The following WIPF1 variants were observed in gnomAD, a reference collection of about 807,000 sequenced individuals.
WIPF1 encodes the protein WAS/WASL-interacting protein family member 1.
A neutral mutation model predicts 35.4 loss-of-function variants in WIPF1; 13 were observed. The observed-to-expected ratio is 0.37, with a 90% CI of 0.24 to 0.58. The LOEUF is 0.58. Among genes scored for constraint, WIPF1 ranks in the 20% least tolerant of loss-of-function variants. The probability of loss-of-function intolerance (pLI) is 0.74; values close to 1 mark genes in which losing one functional copy is unlikely to be tolerated. For synonymous variants in WIPF1, 267 were observed against 266.3 expected (o/e 1.00, Z -0.02); for missense variants, 591 against 667.0 (o/e 0.89, Z 1.25).
chr2:174,640,831 C>A (rs1687281492), intron 1 of WIPF1, among the ~76,000 whole-genome samples: 1 of 151,984 alleles, frequency 6.6e-6, no homozygotes, highest in Non-Finnish European at 1.5e-5. Context: ...GGCCAACCTA[C>A]CCAAAGCAAT....
intron 1 of WIPF1, among the ~76,000 whole-genome samples, chr2:174,679,029 T>C (rs1417582242): frequency 6.6e-6 from 1 of 152,370 alleles, no homozygotes; most frequent in African/African-American, 2.4e-5. Flanking sequence ...CACTGATAAA[T>C]GTAATGCTAA....
chr2:174,566,844 G>A (rs546682837), intron 7 of WIPF1: 106 of 450,256 alleles, frequency 2.4e-4, no homozygotes, highest in Middle Eastern at 1.7e-3. Flanking sequence ...AGCAAACCAC[G>A]GTATTTTGAG....
intron 4 of WIPF1, among the ~76,000 whole-genome samples, chr2:174,573,333 C>T (rs901232183): frequency 6.6e-6 from 1 of 151,288 alleles, no homozygotes; most frequent in Non-Finnish European, 1.5e-5. Flanking sequence ...ATTTTGAGCA[C>T]TTGCTATGCG....
intron 1 of WIPF1, among the ~76,000 whole-genome samples, chr2:174,634,262 C>T (rs1356510752): frequency 6.6e-6 from 1 of 152,140 alleles, no homozygotes; most frequent in Non-Finnish European, 1.5e-5. Flanking sequence ...AAAGAACATC[C>T]GAAGTTTTGT....
In WIPF1 at chr2:174,622,390, T is replaced by C. The variant is rs1686702927; in HGVS notation, c.-38-36779A>G. On this transcript the variant is annotated intron_variant, in intron 1 of 8. Transcript: ENST00000272746. This position sits in a 1 kb window ranked among gnomAD's most constrained non-coding sequence, Gnocchi z 5.1. ...TATCCATGAAATCATGAATTTCATATGTTGTTGTACATTTTTTCTACTACA... is the reference window on the plus strand; with the variant it reads ...TATCCATGAAATCATGAATTTCATACGTTGTTGTACATTTTTTCTACTACA... Among the ~76,000 whole-genome samples the C allele has an allele frequency of 1.3e-5, 2 of 152,212 alleles. No homozygotes were observed. The highest frequency in any genetic ancestry group is 2.4e-5 in the African/African-American group (1 of 41,444).
chr2:174,586,384 T>TA (rs1409134523), intron 1 of WIPF1, among the ~76,000 whole-genome samples: 1 of 152,042 alleles, frequency 6.6e-6, no homozygotes, highest in African/African-American at 2.4e-5. Flanking sequence ...TTTGTTTGGG[T>TA]AAAAAATTAT....
At chr2:174,603,808 G>T (rs1686077309) in intron 1 of WIPF1, among the ~76,000 whole-genome samples, 1 of 152,086 alleles carries the variant, frequency 6.6e-6, no homozygotes, top group Non-Finnish European at 1.5e-5. Flanking sequence ...AGATAGAGTG[G>T]GGAGGGACCC....
chr2:174,673,114 C>T (rs1370749152), intron 1 of WIPF1, among the ~76,000 whole-genome samples: 2 of 152,124 alleles, frequency 1.3e-5, no homozygotes, highest in Non-Finnish European at 2.9e-5. Context: ...CACAGTATGC[C>T]GCAAGAGAAA....
upstream of WIPF1, among the ~76,000 whole-genome samples, chr2:174,599,603 C>T (rs13414465): frequency 3.9e-5 from 6 of 152,258 alleles, no homozygotes; most frequent in South Asian, 2.1e-4. Context: ...AGCCACTTCC[C>T]GCGATACAAA....
At chr2:174,627,597 G>A (rs1686887990) in intron 1 of WIPF1, among the ~76,000 whole-genome samples, 1 of 148,234 alleles carries the variant, frequency 6.7e-6, no homozygotes, top group Non-Finnish European at 1.5e-5. Flanking sequence ...CTGGAGTGCA[G>A]TGGTGTGATC....
At chr2:174,594,004 G>C (rs1031846015) in intron 1 of WIPF1, among the ~76,000 whole-genome samples, 1 of 152,200 alleles carries the variant, frequency 6.6e-6, no homozygotes, top group Non-Finnish European at 1.5e-5. Context: ...GCCTCACCCA[G>C]TTGGTTCTTA....
chr2:174,625,792 A>T (rs898214917), intron 1 of WIPF1: 1 of 152,216 alleles, frequency 6.6e-6, no homozygotes, highest in Admixed American at 6.5e-5. Flanking sequence ...AAGTGACTTC[A>T]GAAGTCAAAT....
chr2:174,581,274 G>A lies in WIPF1; in HGVS notation c.181+36C>T, dbSNP rs775845561. ...AGGGTTGATTATTAGGCCATAAACT[G>A]TTCCTCTCCATGGTAGATAGCCTTT... On this transcript the variant is annotated intron_variant, in intron 3 of 7. Coordinates refer to ENST00000679041, the MANE Select transcript of WIPF1 (RefSeq NM_001375834.1). 5.0e-6 allele frequency: 8 copies of A among 1,611,996 alleles called. No homozygotes were observed. The South Asian group carries it at 8.8e-5, about 18-fold the overall frequency.
chr2:174,612,983 T>C (rs1686399687), intron 1 of WIPF1, among the ~76,000 whole-genome samples: 1 of 152,252 alleles, frequency 6.6e-6, no homozygotes, highest in Non-Finnish European at 1.5e-5. Flanking sequence ...TTATTAGCTG[T>C]GGCTAATTTT....
intron 1 of WIPF1, among the ~76,000 whole-genome samples, chr2:174,651,492 C>G (rs1179814207): frequency 3.3e-5 from 5 of 152,162 alleles, no homozygotes; most frequent in Non-Finnish European, 7.3e-5. Context: ...TGCAGCAGAG[C>G]TTGGTTTTGT....
intron 5 of WIPF1, chr2:174,568,532 G>A (rs569641201): frequency 6.4e-6 from 1 of 155,158 alleles, no homozygotes; most frequent in East Asian, 1.9e-4. Flanking sequence ...TAGTTTTGTT[G>A]TTAATTACAG....
intron 7 of WIPF1, chr2:174,566,422 A>G (rs1486397021): frequency 6.6e-6 from 1 of 152,244 alleles, no homozygotes; most frequent in Non-Finnish European, 1.5e-5. Flanking sequence ...TTAAATGTCC[A>G]TGGTAATGGT....
At chr2:174,670,194 C>G (rs567134704) in intron 1 of WIPF1, among the ~76,000 whole-genome samples, 14 of 152,136 alleles carry the variant, frequency 9.2e-5, no homozygotes, top group Non-Finnish European at 1.5e-4. Context: ...CCTGCCCCCC[C>G]ATCCCACTGA....
intron 1 of WIPF1, among the ~76,000 whole-genome samples, chr2:174,628,660 G>A (rs1686921879): frequency 6.6e-6 from 1 of 152,220 alleles, no homozygotes; most frequent in South Asian, 2.1e-4. Context: ...GTAGATCCCA[G>A]AGGTGCACCT....
Sources: gnomAD v4.1 joint callset for allele counts (sites outside exome capture counted in the v4.1 genomes callset) on GRCh38, gnomAD v4.1.1 for gene constraint, Gnocchi (gnomAD v3.1) non-coding constraint, MANE v1.5 for transcripts, NCBI Gene and HGNC (gene_info 2026-07-23, HGNC 2026-07-21) for gene names.